PTGER3: variants seen among roughly 807,000 people sequenced by gnomAD.
PTGER3 encodes prostaglandin E2 receptor EP3 subtype.
Under a neutral mutation model 34.7 loss-of-function variants are expected in PTGER3, and 22 were observed. The observed-to-expected ratio is 0.63, with a 90% CI of 0.45 to 0.91. The LOEUF is 0.91. PTGER3 is among the 40% of genes least tolerant of loss of function. The pLI, the probability that PTGER3 is intolerant of heterozygous loss-of-function variation, is 0.00. For missense variants in PTGER3, 468 were observed against 519.4 expected, an observed-to-expected ratio of 0.90 and a Z score of 0.96; for synonymous variants, 241 against 230.1, an observed-to-expected ratio of 1.05 and a Z score of -0.43.
At position 70,974,965 on chromosome 1, in the gene PTGER3, C is replaced by T. The variant is rs539987727; in HGVS notation, c.1078-577G>A. Among the ~76,000 whole-genome samples, 151 of 152,282 alleles carry T rather than the reference C, an allele frequency of 9.9e-4. No individual in the cohort carries two copies. In the South Asian group the frequency reaches 0.029, roughly 30 times the overall value. On this transcript the variant is annotated intron_variant, in intron 2 of 3. Coordinates refer to ENST00000306666, the MANE Select transcript of PTGER3 (RefSeq NM_198719.2). ...CAGTATGCTTCCATTTCTTCATCAC[C>T]TGGCTAACTTCTACTCATCTGATAG...
chr1:70,860,514 A>T (rs2100473474), intron 4 of PTGER3, among the ~76,000 whole-genome samples: 1 of 152,240 alleles, frequency 6.6e-6, no homozygotes, highest in South Asian at 2.1e-4. Context: ...TCTTAAATGG[A>T]TGTATAGCTT....
chr1:70,993,576 AG>A lies in PTGER3; in HGVS notation c.1077+18728del, dbSNP rs553908648. Among the ~76,000 whole-genome samples, 259 of 152,308 alleles carry A rather than the reference AG, an allele frequency of 1.7e-3. 3 individuals carry two copies. The South Asian group carries it at 0.022, about 13-fold the overall frequency. ...TAGGTGAAGAGGGTTAATAACAAAA[AG>A]CTCTGTAGTCTCTGGAGAGCTCAGA... On this transcript the variant is annotated intron_variant, in intron 2 of 3. Coordinates refer to ENST00000306666, the MANE Select transcript of PTGER3 (RefSeq NM_198719.2).
chr1:70,907,399 G>T (rs146814275), intron 4 of PTGER3, among the ~76,000 whole-genome samples: 2 of 152,358 alleles, frequency 1.3e-5, no homozygotes, highest in Non-Finnish European at 2.9e-5. Flanking sequence ...CAGAGAAAAA[G>T]AATGGACAAG....
At chr1:70,857,074 T>C (rs1186700792) in intron 4 of PTGER3, among the ~76,000 whole-genome samples, 1 of 152,232 alleles carries the variant, frequency 6.6e-6, no homozygotes. Flanking sequence ...TGGAAAATAT[T>C]GTACTTTTAG....
intron 1 of PTGER3, among the ~76,000 whole-genome samples, chr1:71,019,995 C>T (rs1215021381): frequency 6.6e-6 from 1 of 152,172 alleles, no homozygotes; most frequent in Non-Finnish European, 1.5e-5. Flanking sequence ...ACCTGCTCTA[C>T]TGGAAATTCC....
In PTGER3 at chr1:70,930,336, C is replaced by T. The variant is rs547067740; in HGVS notation, c.*23+23427G>A. ...TTCCCTGCTGTTTTGTACAAAGCCT[C>T]TTATTATCTTGTCCTTACCTGAGTT... On this transcript the variant is annotated intron_variant, in intron 4 of 4. Transcript: ENST00000370931. Among the ~76,000 whole-genome samples, 14 of 152,310 alleles carry T rather than the reference C, an allele frequency of 9.2e-5. No individual in the cohort carries two copies. In the East Asian group the frequency reaches 1.9e-3, roughly 21 times the overall value.
chr1:70,903,072 A>G (rs963152010), intron 4 of PTGER3, among the ~76,000 whole-genome samples: 1 of 152,214 alleles, frequency 6.6e-6, no homozygotes, highest in African/African-American at 2.4e-5. Context: ...TAAAGAAAGC[A>G]GCAGGAGATT....
intron 4 of PTGER3, among the ~76,000 whole-genome samples, chr1:70,932,415 A>G (rs961345576): frequency 2.6e-5 from 4 of 152,102 alleles, no homozygotes; most frequent in African/African-American, 9.7e-5. Flanking sequence ...TACTGGTACC[A>G]ATTTACTGTA....
intron 4 of PTGER3, among the ~76,000 whole-genome samples, chr1:70,941,519 G>A (rs780944410): frequency 2.3e-4 from 35 of 152,062 alleles, no homozygotes; most frequent in Non-Finnish European, 4.6e-4. Context: ...TGTCTTATGT[G>A]TATGACTTAC....
At chr1:71,038,707 A>G (rs2744900) in intron 1 of PTGER3, among the ~76,000 whole-genome samples, 136,804 of 152,258 alleles carry the variant, frequency 0.9, 61,498 homozygotes, top group East Asian at 0.96. Flanking sequence ...TTTGCAGGCC[A>G]CAAATAATAT....
In PTGER3 at chr1:71,047,543, G is replaced by A. The variant is rs959025083; in HGVS notation, c.35C>T (p.Pro12Leu). 1 of 1,575,498 alleles carries A rather than the reference G, an allele frequency of 6.3e-7. No homozygotes were observed. Among genetic ancestry groups the A allele is most frequent in the Admixed American group, 1.8e-5 (1 of 54,222 alleles). Reference protein sequence around the residue: ...KETRGYGGDAPFCTRLNHSYT... With the variant: ...KETRGYGGDALFCTRLNHSYT... Reference sequence around the variant, plus strand: ...GGAGTGGTTGAGGCGGGTGCAGAAGGGGGCATCCCCTCCGTAGCCCCGGGT... The same window carrying A: ...GGAGTGGTTGAGGCGGGTGCAGAAGAGGGCATCCCCTCCGTAGCCCCGGGT... The change falls in exon 1 of 4, where the codon CCC (proline) becomes CTC (leucine). Residue 12 changes from proline (P) to leucine (L), a missense_variant. Transcript: ENST00000306666.
At position 70,919,618 on chromosome 1, in the gene PTGER3, C is replaced by G. The variant is rs558487914; in HGVS notation, c.*23+34145G>C. Reference sequence around the variant, plus strand: ...ATGATAACCCACAGTGACTAAAATTCAGTCTGTTAAGTGGGCATTTGTAAT... The same window carrying G: ...ATGATAACCCACAGTGACTAAAATTGAGTCTGTTAAGTGGGCATTTGTAAT... On this transcript the variant is annotated intron_variant, in intron 4 of 4. Coordinates refer to the PTGER3 transcript ENST00000370931. 8.5e-5 allele frequency among the ~76,000 whole-genome samples: 13 copies of G among 152,242 alleles called. No homozygotes were observed. The East Asian group carries it at 2.5e-3, about 29-fold the overall frequency.
chr1:70,862,637 C>T (rs1645952024), intron 4 of PTGER3, among the ~76,000 whole-genome samples: 1 of 152,006 alleles, frequency 6.6e-6, no homozygotes, highest in Admixed American at 6.6e-5. Flanking sequence ...GACCAGAAAA[C>T]CAAACCAAAG....
At chr1:71,010,892 A>T in intron 2 of PTGER3, 1 of 985,322 alleles carries the variant, frequency 1.0e-6, no homozygotes, top group Non-Finnish European at 1.2e-6. Flanking sequence ...ACCACTAAAC[A>T]CACACAGAAA....
In PTGER3 at chr1:70,852,497, T is replaced by G. The variant is rs12096600; in HGVS notation, c.*386A>C. The G allele has an allele frequency of 6.3e-3, 2,148 of 338,846 alleles. 50 individuals are homozygous for G. The highest frequency in any genetic ancestry group is 0.044 in the African/African-American group (1,991 of 45,706). 21.0% of individuals were successfully genotyped at this position (338,846 alleles called of 1,614,324 possible). A position where few individuals can be genotyped will look rare whatever the true frequency, so the allele number is the denominator to read the frequency against. On this transcript the variant is annotated 3_prime_UTR_variant, in exon 5 of 5. Transcript: ENST00000370931. ...TGGAATACTCTATAGCGGTTAAAAT[T>G]AACGATTTAGAGCTCCATGTTTCAA...
chr1:70,996,773 C>A (rs1255116052), intron 2 of PTGER3, among the ~76,000 whole-genome samples: 1 of 151,978 alleles, frequency 6.6e-6, no homozygotes. Flanking sequence ...ACGCCATTCT[C>A]CTGCCTCAGC....
In PTGER3 at chr1:70,971,690, A is replaced by G. The variant is rs750389516; in HGVS notation, c.*40T>C. 6.4e-7 allele frequency: 1 copy of G among 1,554,834 alleles called. No homozygotes were observed. The highest frequency in any genetic ancestry group is 1.4e-5 in the African/African-American group (1 of 72,564). ...TGGGAAGAAATATGCAAATTCAGGG[A>G]AGCAGGAATTGCAATAAAATGTCCA... On this transcript the variant is annotated 3_prime_UTR_variant, in exon 4 of 4. Coordinates refer to ENST00000306666, the MANE Select transcript of PTGER3 (RefSeq NM_198719.2).
intron 1 of PTGER3, among the ~76,000 whole-genome samples, chr1:71,014,246 T>C (rs947516965): frequency 6.6e-6 from 1 of 152,066 alleles, no homozygotes; most frequent in African/African-American, 2.4e-5. Flanking sequence ...GAATTCAACA[T>C]CCCTGAGCAT....
At chr1:70,928,470 C>CA (rs534843493) in intron 4 of PTGER3, among the ~76,000 whole-genome samples, 5 of 151,528 alleles carry the variant, frequency 3.3e-5, no homozygotes, top group Non-Finnish European at 5.9e-5. Flanking sequence ...CCCATCTATA[C>CA]AAAAAATAAA....
Sources: gnomAD v4.1 joint callset for allele counts (sites outside exome capture counted in the v4.1 genomes callset) on GRCh38, gnomAD v4.1.1 for gene constraint, MANE v1.5 for transcripts, NCBI Gene and HGNC (gene_info 2026-07-23, HGNC 2026-07-21) for gene names.